GPHN: variants seen among roughly 807,000 people sequenced by gnomAD.
The protein encoded by GPHN is gephyrin.
Under a neutral mutation model 95.5 loss-of-function variants are expected in GPHN, and 17 were observed. The observed-to-expected ratio is 0.18, with a 90% CI of 0.12 to 0.27. The LOEUF (loss-of-function observed/expected upper bound fraction) is 0.27, where lower values mean the gene tolerates loss of function less well. Ranked by LOEUF, GPHN falls within the 10% of genes least tolerant of loss-of-function variation. The pLI is 1.00. For synonymous variants in GPHN, 320 were observed against 322.5 expected (o/e 0.99, Z 0.08); for missense variants, 660 against 978.1 (o/e 0.67, Z 4.34).
intron 8 of GPHN, among the ~76,000 whole-genome samples, chr14:66,945,519 T>G (rs2067697167): frequency 6.6e-6 from 1 of 152,168 alleles, no homozygotes; most frequent in Non-Finnish European, 1.5e-5. Flanking sequence ...ACACACTGTG[T>G]ACAATGTACA....
At chr14:67,017,753 C>A (rs945265912) in intron 9 of GPHN, among the ~76,000 whole-genome samples, 2 of 152,022 alleles carry the variant, frequency 1.3e-5, no homozygotes, top group Non-Finnish European at 2.9e-5. Flanking sequence ...TTTCTAAATT[C>A]TTGAGATCAT....
intron 19 of GPHN, among the ~76,000 whole-genome samples, chr14:67,162,612 G>A (rs149646735): frequency 6.6e-6 from 1 of 152,260 alleles, no homozygotes; most frequent in African/African-American, 2.4e-5. Flanking sequence ...CTGTTATTAA[G>A]AACAAATCTT....
the GPHN span, among the ~76,000 whole-genome samples, chr14:67,730,338 T>C: frequency 6.6e-6 from 1 of 152,222 alleles, no homozygotes. Context: ...ACTTGAAATA[T>C]GGCTAGTCCA....
chr14:66,550,027 T>C lies in GPHN; in HGVS notation c.64+41436T>C, dbSNP rs567715109. ...TCACCCAAGAGCTCAGATAGAGATATACAAGGAGATTAATGTTTTCATGCC... is the reference window on the plus strand; with the variant it reads ...TCACCCAAGAGCTCAGATAGAGATACACAAGGAGATTAATGTTTTCATGCC... On this transcript the variant is annotated intron_variant, in intron 1 of 22. Transcript: ENST00000478722. 2.4e-3 allele frequency among the ~76,000 whole-genome samples: 368 copies of C among 152,278 alleles called. 4 individuals are homozygous for C. Among genetic ancestry groups the C allele is most frequent in the African/African-American group, 8.3e-3 (347 of 41,564 alleles).
chr14:67,653,035 C>T, the GPHN span, among the ~76,000 whole-genome samples: 6 of 152,104 alleles, frequency 3.9e-5, no homozygotes, highest in Non-Finnish European at 5.9e-5. Flanking sequence ...GTGATCTGCC[C>T]GCTTCAGCCT....
At chr14:67,201,688 G>A in the GPHN span, 1 of 367,106 alleles carries the variant, frequency 2.7e-6, no homozygotes, top group Non-Finnish European at 5.4e-6. Flanking sequence ...TCATCCCTGA[G>A]CCATGATATT....
At chr14:67,729,777 C>T in the GPHN span, 6 of 501,984 alleles carry the variant, frequency 1.2e-5, no homozygotes, top group East Asian at 5.5e-5. Flanking sequence ...CCTCTCTCTT[C>T]GGTGTGAACT....
At chr14:66,905,657 A>G (rs1018137027) in intron 5 of GPHN, among the ~76,000 whole-genome samples, 3 of 152,144 alleles carry the variant, frequency 2.0e-5, no homozygotes, top group African/African-American at 7.2e-5. Flanking sequence ...GGTTTGTGGT[A>G]CAAATGATCC....
intron 1 of GPHN, among the ~76,000 whole-genome samples, chr14:66,651,288 GAAC>G (rs1323204380): frequency 3.9e-5 from 6 of 152,260 alleles, no homozygotes; most frequent in East Asian, 1.9e-4. Context: ...CTTCAGGGGA[GAAC>G]AACAAGTGTG....
At chr14:67,003,454 A>G (rs1170733963) in intron 9 of GPHN, among the ~76,000 whole-genome samples, 2 of 151,666 alleles carry the variant, frequency 1.3e-5, no homozygotes, top group African/African-American at 4.8e-5. Context: ...TTTAACTTCT[A>G]ACAGAATCCA....
chr14:67,328,654 A>G, the GPHN span, among the ~76,000 whole-genome samples: 10 of 152,284 alleles, frequency 6.6e-5, no homozygotes, highest in African/African-American at 1.9e-4. Flanking sequence ...TAACTTTTGT[A>G]TAAGGTGTAA....
At chr14:67,429,727 CTG>C in the GPHN span, among the ~76,000 whole-genome samples, 4 of 152,038 alleles carry the variant, frequency 2.6e-5, no homozygotes, top group African/African-American at 9.7e-5. Context: ...CAGAGCAAGA[CTG>C]TGTTTCAAAA....
At position 66,958,448 on chromosome 14, in the gene GPHN, T is replaced by C. The variant is rs1596510454; in HGVS notation, c.829-6743T>C. Among the ~76,000 whole-genome samples, 5 of 152,300 alleles carry C rather than the reference T, an allele frequency of 3.3e-5. No homozygotes were observed. The South Asian group carries it at 6.2e-4, about 19-fold the overall frequency. ...AACAACAGAGATATGTTCTGAGAAATGCATTGTTCAGTGATTTTGTTTTTA... is the reference window on the plus strand; with the variant it reads ...AACAACAGAGATATGTTCTGAGAAACGCATTGTTCAGTGATTTTGTTTTTA... On this transcript the variant is annotated intron_variant, in intron 8 of 22. Transcript: ENST00000478722.
chr14:67,511,975 T>C, the GPHN span, among the ~76,000 whole-genome samples: 6 of 152,230 alleles, frequency 3.9e-5, no homozygotes, highest in African/African-American at 1.4e-4. Context: ...CACAGCAGCA[T>C]GGGGCATCCC....
At chr14:66,543,931 G>T (rs919244406) in intron 1 of GPHN, among the ~76,000 whole-genome samples, 1 of 152,120 alleles carries the variant, frequency 6.6e-6, no homozygotes, top group Admixed American at 6.5e-5. Context: ...CCTTCAAAAA[G>T]TAAGTGAAAT....
chr14:67,157,879 G>T, intron 18 of GPHN, among the ~76,000 whole-genome samples: 1 of 151,716 alleles, frequency 6.6e-6, no homozygotes, highest in Non-Finnish European at 1.5e-5. Context: ...CGGGGGTGGG[G>T]CAGGGGAGAA....
rs543986222 is a variant in GPHN, at chr14:66,998,888, A to ATAT, written c.964-24745_964-24744insTAT. On this transcript the variant is annotated intron_variant, in intron 9 of 22. Coordinates refer to ENST00000478722, the MANE Select transcript of GPHN (RefSeq NM_020806.5). ...TTATGGTCCCTTTGTAAAAAAAAAA[A>ATAT]ATATATATATATATATACACATATA... Among the ~76,000 whole-genome samples the ATAT allele has an allele frequency of 8.4e-3, 1,193 of 142,866 alleles. 18 individuals are homozygous for ATAT. The highest frequency in any genetic ancestry group is 0.026 in the African/African-American group (978 of 38,134). 93.7% of individuals were successfully genotyped at this position (142,866 alleles called of 152,430 possible).
chr14:67,096,792 A>AT (rs1241139027), intron 12 of GPHN, among the ~76,000 whole-genome samples: 3 of 142,578 alleles, frequency 2.1e-5, no homozygotes, highest in African/African-American at 7.8e-5. Flanking sequence ...ACACCTGGCT[A>AT]TTTTTTGTAT....
At chr14:66,671,638 G>T (rs1566794348) in intron 1 of GPHN, among the ~76,000 whole-genome samples, 1 of 152,096 alleles carries the variant, frequency 6.6e-6, no homozygotes, top group Non-Finnish European at 1.5e-5. Context: ...ATTTTTAAAT[G>T]TATATGTAAA....
Sources: gnomAD v4.1 joint callset for allele counts (sites outside exome capture counted in the v4.1 genomes callset) on GRCh38, gnomAD v4.1.1 for gene constraint, MANE v1.5 for transcripts, NCBI Gene and HGNC (gene_info 2026-07-23, HGNC 2026-07-21) for gene names.